The following DGKH variants were observed in gnomAD, a reference collection of about 807,000 sequenced individuals.
The protein encoded by DGKH is diacylglycerol kinase eta.
Under a neutral mutation model 159.3 loss-of-function variants are expected in DGKH, and 90 were observed. The observed-to-expected ratio is 0.57, with a 90% CI of 0.48 to 0.67. DGKH has a LOEUF of 0.67. DGKH is among the 30% of genes least tolerant of loss of function. The pLI is 0.00. For synonymous variants in DGKH, 536 were observed against 553.8 expected, an observed-to-expected ratio of 0.97 and a Z score of 0.45; for missense variants, 1,181 against 1,506.1, an observed-to-expected ratio of 0.78 and a Z score of 3.57.
At chr13:42,141,686 T>C (rs901427972) in intron 3 of DGKH, among the ~76,000 whole-genome samples, 9 of 152,254 alleles carry the variant, frequency 5.9e-5, no homozygotes, top group Non-Finnish European at 7.4e-5. Flanking sequence ...CTTTTGGCTG[T>C]ATAAATGTCT....
intron 1 of DGKH, among the ~76,000 whole-genome samples, chr13:42,059,413 C>G (rs9532980): frequency 0.025 from 3,844 of 152,088 alleles, 59 homozygotes; most frequent in African/African-American, 0.044. Flanking sequence ...CTGTGTCCTG[C>G]TAATTATTGT....
chr13:42,072,539 T>C (rs1296299492), intron 1 of DGKH, among the ~76,000 whole-genome samples: 2 of 152,080 alleles, frequency 1.3e-5, no homozygotes, highest in Admixed American at 1.3e-4. Context: ...ATTGTGATGA[T>C]CAAGAAAAAA....
chr13:42,082,281 G>GA (rs1954216217), intron 1 of DGKH, among the ~76,000 whole-genome samples: 1 of 151,872 alleles, frequency 6.6e-6, no homozygotes, highest in Admixed American at 6.6e-5. Flanking sequence ...TTAAAGAAGG[G>GA]AAAACATCTT....
chr13:42,080,609 G>T (rs1954182386), intron 1 of DGKH, among the ~76,000 whole-genome samples: 1 of 152,084 alleles, frequency 6.6e-6, no homozygotes, highest in East Asian at 1.9e-4. Context: ...TTCGGAAAAG[G>T]CTACTAAATA....
chr13:42,079,350 T>C (rs533539453), intron 1 of DGKH, among the ~76,000 whole-genome samples: 1 of 152,288 alleles, frequency 6.6e-6, no homozygotes, highest in Non-Finnish European at 1.5e-5. Context: ...GCAATTTCAT[T>C]ACATGCACAG....
intron 1 of DGKH, among the ~76,000 whole-genome samples, chr13:42,085,442 TG>T (rs1359378659): frequency 1.3e-5 from 2 of 152,158 alleles, no homozygotes; most frequent in African/African-American, 4.8e-5. Context: ...GCCCAGTGAT[TG>T]TGATTTGGAG....
chr13:42,209,248 A>T, intron 22 of DGKH, 83 bp from the exon 23 acceptor site: 1 of 1,514,748 alleles, frequency 6.6e-7, no homozygotes, highest in Non-Finnish European at 8.9e-7. Flanking sequence ...TCTGTAGAAT[A>T]GTCTAATACT....
At chr13:42,084,528 T>TAATTAAAAAA (rs1382275718) in intron 1 of DGKH, among the ~76,000 whole-genome samples, 1 of 152,172 alleles carries the variant, frequency 6.6e-6, no homozygotes, top group East Asian at 1.9e-4. Flanking sequence ...AAATTTTAGG[T>TAATTAAAAAA]AACTAGATCT....
chr13:42,247,340 C>T (rs565767730), downstream of DGKH, among the ~76,000 whole-genome samples: 169 of 151,738 alleles, frequency 1.1e-3, 1 homozygote, highest in Middle Eastern at 0.024. Context: ...AAGCAATCCT[C>T]CTGCCTCTGC....
rs1197432535 is a variant in DGKH, at chr13:42,239,702, A to G, written c.*10514A>G. ...AGTTTTTCTACTTTCACTCTTTCCC[A>G]CCAGAGTGGTCTCTCTAAAACAAAT... On this transcript the variant is annotated 3_prime_UTR_variant, in exon 30 of 30. Coordinates refer to ENST00000337343, the MANE Select transcript of DGKH (RefSeq NM_178009.5). 6.6e-6 allele frequency: 1 copy of G among 152,254 alleles called. No homozygotes were observed. Among genetic ancestry groups the G allele is most frequent in the Non-Finnish European group, 1.5e-5 (1 of 67,956 alleles). The allele number at this position is 152,254 out of a possible 1,614,324, so 9.4% of individuals were successfully genotyped here.
At chr13:42,060,398 T>G (rs1287498563) in intron 1 of DGKH, among the ~76,000 whole-genome samples, 1 of 152,220 alleles carries the variant, frequency 6.6e-6, no homozygotes, top group African/African-American at 2.4e-5. Flanking sequence ...ACTTCTGAGA[T>G]CTGGGCCTCT....
intron 1 of DGKH, among the ~76,000 whole-genome samples, chr13:42,123,542 A>G (rs1955113794): frequency 2.6e-4 from 1 of 3,906 alleles, no homozygotes; most frequent in Admixed American, 5.5e-3. Flanking sequence ...CATTAATACA[A>G]TGGAAAAAAA....
chr13:42,148,746 C>T (rs9533012), intron 3 of DGKH, among the ~76,000 whole-genome samples: 53,580 of 151,776 alleles, frequency 0.35, 9,970 homozygotes, highest in Non-Finnish European at 0.42. Context: ...TTTTATTTTC[C>T]ATTTGCAGCC....
Position 42,168,466 on chromosome 13 carries a change from A to C in DGKH, c.1145A>C (p.Asn382Thr), listed in dbSNP as rs1157210609. 6.2e-7 allele frequency: 1 copy of C among 1,613,970 alleles called. No homozygotes were observed. The highest frequency in any genetic ancestry group is 8.5e-7 in the Non-Finnish European group (1 of 1,179,982). Residue 382 changes from asparagine (N) to threonine (T), a missense_variant, in exon 10 of 30, where the codon AAT becomes ACT. Transcript: ENST00000337343. ...LGLRLFQKFD[N>T]FRILVCGGDG... ...TTAAGATTATTTCAGAAGTTTGACAATTTCCGGATTCTTGTTTGTGGAGGC... is the reference window on the plus strand; with the variant it reads ...TTAAGATTATTTCAGAAGTTTGACACTTTCCGGATTCTTGTTTGTGGAGGC...
chr13:42,069,999 C>A (rs959234870), intron 1 of DGKH: 1 of 816,122 alleles, frequency 1.2e-6, no homozygotes, highest in Non-Finnish European at 2.1e-6. Context: ...GCCAATCATG[C>A]TCTGAAAACT....
At chr13:42,210,260 T>C (rs1400278508) in intron 23 of DGKH, among the ~76,000 whole-genome samples, 2 of 151,888 alleles carry the variant, frequency 1.3e-5, no homozygotes, top group African/African-American at 4.8e-5. Context: ...AACCTTAAAC[T>C]CCTGGGCTCA....
intron 14 of DGKH, among the ~76,000 whole-genome samples, chr13:42,187,452 C>T (rs1956960252): frequency 5.3e-5 from 8 of 152,144 alleles, no homozygotes. Flanking sequence ...TCTCTACTCA[C>T]TGCAACCTTC....
At chr13:42,045,912 C>G (rs976857530), upstream of DGKH, among the ~76,000 whole-genome samples, 10 of 152,150 alleles carry the variant, frequency 6.6e-5, no homozygotes, top group Non-Finnish European at 1.0e-4. Context: ...AAATAATACA[C>G]GAATATTCAT....
At chr13:42,184,084 A>T (rs530861517) in intron 13 of DGKH, among the ~76,000 whole-genome samples, 12 of 152,338 alleles carry the variant, frequency 7.9e-5, no homozygotes, top group Admixed American at 3.3e-4. Flanking sequence ...GCCTCATTTA[A>T]TTGGTAAAGT....
Sources: gnomAD v4.1 joint callset for allele counts (sites outside exome capture counted in the v4.1 genomes callset) on GRCh38, gnomAD v4.1.1 for gene constraint, MANE v1.5 for transcripts, NCBI Gene and HGNC (gene_info 2026-07-23, HGNC 2026-07-21) for gene names.